Variants in MCM3 observed in about 807,000 individuals in gnomAD.
MCM3 encodes DNA replication licensing factor MCM3.
In MCM3, 59 loss-of-function variants were observed where a neutral mutation model predicts 91.3. That is an observed-to-expected ratio of 0.65 (90% CI 0.52 to 0.80). The LOEUF is 0.80. Ranked by LOEUF, MCM3 falls within the 30% of genes least tolerant of loss-of-function variation. The probability of loss-of-function intolerance (pLI) is 0.00; values close to 1 mark genes in which losing one functional copy is unlikely to be tolerated. For synonymous variants in MCM3, 383 were observed against 379.6 expected, an observed-to-expected ratio of 1.01 and a Z score of -0.10; for missense variants, 919 against 1,035.4, an observed-to-expected ratio of 0.89 and a Z score of 1.54.
chr6:52,278,453 TAATA>T (rs1170379858), intron 6 of MCM3, among the ~76,000 whole-genome samples: 2 of 152,192 alleles, frequency 1.3e-5, no homozygotes, highest in African/African-American at 4.8e-5. Flanking sequence ...ACGCCTTCAG[TAATA>T]AATAGACTTA....
intron 16 of MCM3, 61 bp from the exon 17 acceptor site, chr6:52,264,847 A>G: frequency 7.1e-7 from 1 of 1,415,152 alleles, no homozygotes; most frequent in Non-Finnish European, 1.0e-6. Context: ...CTCAGGAAAC[A>G]GCTATACTAG....
intron 5 of MCM3, 107 bp from the exon 6 acceptor site, chr6:52,278,957 C>T: frequency 1.5e-6 from 1 of 686,750 alleles, no homozygotes; most frequent in Non-Finnish European, 2.4e-6. Flanking sequence ...ACTAGACCAG[C>T]CAATTAGAGT....
chr6:52,272,265 A>AAGGGACCCCAAGCCT (rs763990505), intron 12 of MCM3, 36 bp downstream of exon 12: 10 of 1,605,866 alleles, frequency 6.2e-6, no homozygotes, highest in Middle Eastern at 1.8e-4. Context: ...CCATATACCT[A>AAGGGACCCCAAGCCT]AGGGACCCCA....
intron 12 of MCM3, among the ~76,000 whole-genome samples, chr6:52,271,596 C>T (rs1581717468): frequency 2.6e-5 from 4 of 152,102 alleles, no homozygotes; most frequent in Admixed American, 2.0e-4. Context: ...GAGTTGAGAT[C>T]GCGCCATTGC....
In MCM3 at chr6:52,273,692, T is replaced by C. The variant is rs754702061; in HGVS notation, c.1549+50A>G. 7.1e-6 allele frequency: 11 copies of C among 1,540,258 alleles called. 1 individual carries two copies. In the South Asian group the frequency reaches 1.1e-4, roughly 16 times the overall value. ...CTGGGTTGGGCCTGAGAAACTACCA[T>C]CTGTTTAGCGCCTTTCCATTAGTTA... On this transcript the variant is annotated intron_variant, in intron 10 of 16. Transcript: ENST00000596288.
intron 13 of MCM3, 79 bp from the exon 14 acceptor site, chr6:52,268,047 T>G: frequency 5.6e-6 from 9 of 1,605,390 alleles, no homozygotes; most frequent in Non-Finnish European, 7.7e-6. Flanking sequence ...CAGTCCCTTC[T>G]GCATCATAAG....
At chr6:52,264,938 T>A (rs1303022543) in intron 16 of MCM3, 152 bp from the exon 17 acceptor site, 5 of 668,888 alleles carry the variant, frequency 7.5e-6, no homozygotes, top group East Asian at 5.4e-5. Context: ...ATGGCAGTGC[T>A]ACCCTTGAGG....
intron 4 of MCM3, among the ~76,000 whole-genome samples, chr6:52,281,664 A>T (rs1161815458): frequency 6.6e-6 from 1 of 152,018 alleles, no homozygotes; most frequent in Admixed American, 6.6e-5. Context: ...TGAGAGAGAC[A>T]GATCCCGTCT....
At chr6:52,264,987 G>A (rs1268282376) in intron 16 of MCM3, among the ~76,000 whole-genome samples, 3 of 152,172 alleles carry the variant, frequency 2.0e-5, no homozygotes, top group Admixed American at 6.5e-5. Flanking sequence ...TAGCGTGTGG[G>A]AAATTGGCAT....
chr6:52,271,946 C>T (rs1765172071), intron 12 of MCM3, among the ~76,000 whole-genome samples: 1 of 151,202 alleles, frequency 6.6e-6, no homozygotes, highest in Non-Finnish European at 1.5e-5. Context: ...TTCTATCTAC[C>T]TTTGTGCTTC....
intron 9 of MCM3, 139 bp downstream of exon 9, chr6:52,276,129 G>A: frequency 1.4e-6 from 1 of 737,848 alleles, no homozygotes; most frequent in South Asian, 1.8e-5. Context: ...CTAAACAAAG[G>A]ACAATAACAA....
At position 52,282,754 on chromosome 6, in the gene MCM3, A is replaced by G. The variant is rs921984322; in HGVS notation, c.299T>C (p.Val100Ala). The G allele has an allele frequency of 2.5e-6, 4 of 1,614,092 alleles. No homozygotes were observed. Among genetic ancestry groups the G allele is most frequent in the East Asian group, 2.2e-5 (1 of 44,872 alleles). The part of the protein sequence containing the change: ...TYAKQYEEFY[V>A]GLEGSFGSKH... ...GGAGCCAAAGCTGCCTTCCAGTCCT[A>G]CGTAGAACTCCTCATACTGCTTGGC... The change falls in exon 3 of 17, where the codon GTA (valine) becomes GCA (alanine). Residue 100 changes from valine (V) to alanine (A), a missense_variant. This residue lies in a region of MCM3 where 401 missense variants were observed against 402.7 expected (regional missense o/e 1.00). Transcript: ENST00000596288.
chr6:52,264,710 T>C lies in MCM3; in HGVS notation c.2305A>G (p.Thr769Ala), dbSNP rs766006669. 1 of 1,614,130 alleles carries C rather than the reference T, an allele frequency of 6.2e-7. No individual in the cohort carries two copies. ...TCGCTGTCCCGGTTGATGGATTCTG[T>C]GAGGCGATTCATGCCGATTGACTGC... ...HAQSIGMNRLTESINRDSEEP... is the reference protein window; with the variant it reads ...HAQSIGMNRLAESINRDSEEP... The change falls in exon 17 of 17, where the codon ACA (threonine) becomes GCA (alanine). Residue 769 changes from threonine to alanine, a missense_variant. By Grantham distance (58) the Thr-to-Ala change is moderately conservative. Transcript: ENST00000596288.
intron 8 of MCM3, 109 bp downstream of exon 8, chr6:52,276,957 TG>T: frequency 7.5e-7 from 1 of 1,326,784 alleles, no homozygotes; most frequent in Non-Finnish European, 1.0e-6. Context: ...CTCTATAATC[TG>T]GACCCAACTA....
Position 52,266,646 on chromosome 6 carries a change from T to C in MCM3, c.2123A>G (p.Tyr708Cys), listed in dbSNP as rs140417464. 11 of 1,614,032 alleles carry C rather than the reference T, an allele frequency of 6.8e-6. No individual in the cohort carries two copies. Among genetic ancestry groups the C allele is most frequent in the East Asian group, 4.5e-5 (2 of 44,900 alleles). Residue 708 changes from tyrosine to cysteine, a missense_variant, in exon 15 of 17, where the codon TAT (tyrosine) becomes TGT (cysteine). Around this residue, in one of 3 missense-constraint regions of MCM3, gnomAD observed 285 missense variants for 311.4 expected, o/e 0.92. Coordinates refer to ENST00000596288, the MANE Select transcript of MCM3 (RefSeq NM_002388.6). Reference protein sequence around the residue: ...DAKDGDSYDPYDFSDTEEEMP... With the variant: ...DAKDGDSYDPCDFSDTEEEMP... ...TTCCTCCTCTGTGTCACTGAAGTCA[T>C]AGGGGTCGTATGAATCCCCATCTTT...
intron 14 of MCM3, 90 bp from the exon 15 acceptor site, chr6:52,266,786 A>C: frequency 2.1e-6 from 2 of 963,508 alleles, no homozygotes; most frequent in Non-Finnish European, 1.7e-6. Flanking sequence ...TACGGAGAAA[A>C]GGAAACAGAA....
At chr6:52,266,816 C>A (rs1764677428) in intron 14 of MCM3, 120 bp from the exon 15 acceptor site, 2 of 799,736 alleles carry the variant, frequency 2.5e-6, no homozygotes, top group Non-Finnish European at 2.2e-6. Context: ...CAAAGTGAAG[C>A]ACTAGGCTTA....
rs1765342440 is a variant in MCM3, at chr6:52,273,837, A to G, written c.1454T>C (p.Met485Thr). ...CTGCTCAGGATCCATCTGATCCAGC[A>G]TGATGAAGAGCAAGTCAAATCGTGA... ...LLSRFDLLFI[M>T]LDQMDPEQDR... Residue 485 changes from methionine to threonine, a missense_variant, in exon 10 of 17, where the codon ATG (methionine) becomes ACG (threonine). This residue lies in a region of MCM3 where 233 missense variants were observed against 321.2 expected (regional missense o/e 0.73). Transcript: ENST00000596288. 1 of 1,614,202 alleles carries G rather than the reference A, an allele frequency of 6.2e-7. No individual in the cohort carries two copies. The highest frequency in any genetic ancestry group is 1.7e-5 in the Admixed American group (1 of 60,030).
At position 52,284,741 on chromosome 6, in the gene MCM3, G is replaced by A; in HGVS notation, c.-67C>T. Reference sequence around the variant, plus strand: ...GTTCCCAGGATGACTCCACCCCGGCGCGAAAACTTCCGAACTCTTCCCGCC... The same window carrying A: ...GTTCCCAGGATGACTCCACCCCGGCACGAAAACTTCCGAACTCTTCCCGCC... On this transcript the variant is annotated 5_prime_UTR_variant, in exon 1 of 17. Transcript: ENST00000596288. The A allele has an allele frequency of 6.5e-7, 1 of 1,549,484 alleles. No individual in the cohort carries two copies. The highest frequency in any genetic ancestry group is 1.2e-5 in the South Asian group (1 of 84,530).
Sources: allele counts gnomAD v4.1 joint callset (sites outside exome capture counted in the v4.1 genomes callset), GRCh38; gene constraint gnomAD v4.1.1; regional missense constraint gnomAD v4.1.1; transcripts MANE v1.5; gene names NCBI Gene and HGNC (gene_info 2026-07-23, HGNC 2026-07-21).